The following ARHGAP4 variants were observed in gnomAD, a reference collection of about 807,000 sequenced individuals.
The protein encoded by ARHGAP4 is Rho GTPase activating protein 4, also known as rho GTPase-activating protein 4.
Under a neutral mutation model 67.6 loss-of-function variants are expected in ARHGAP4, and 25 were observed. The observed-to-expected ratio is 0.37, with a 90% CI of 0.27 to 0.52. ARHGAP4 has a LOEUF of 0.52. Among genes scored for constraint, ARHGAP4 ranks in the 20% least tolerant of loss-of-function variants. ARHGAP4 has a pLI of 0.92. For synonymous variants in ARHGAP4, 448 were observed against 373.7 expected (o/e 1.20, Z -2.29); for missense variants, 804 against 854.6 (o/e 0.94, Z 0.74).
rs186026622 is a variant in ARHGAP4, at chrX:153,912,155, G to A, written c.1542+545C>T. On this transcript the variant is annotated intron_variant, in intron 12 of 21. Transcript: ENST00000350060. The stretch of plus-strand genomic sequence containing the variant: ...TCTCTCTCTCTTTCTTTCTTTCACT[G>A]GGATTACAGGCACGTGCCACCATGC... Among the ~76,000 whole-genome samples, 11 of 105,384 alleles carry A rather than the reference G, an allele frequency of 1.0e-4. No individual in the cohort carries two copies. The East Asian group carries it at 3.2e-3, about 31-fold the overall frequency. The allele number at this position is 105,384 out of a possible 115,157, so 91.5% of individuals were successfully genotyped here. A position where few individuals can be genotyped will look rare whatever the true frequency, so the allele number is the denominator to read the frequency against.
intron 1 of ARHGAP4, among the ~76,000 whole-genome samples, chrX:153,925,653 C>T (rs1283627825): frequency 1.8e-5 from 2 of 112,368 alleles, no homozygotes; most frequent in Non-Finnish European, 3.8e-5. Flanking sequence ...CGCCTCTGCT[C>T]CCCCTCAGTG....
chrX:153,919,792 A>T lies in ARHGAP4; in HGVS notation c.682-509T>A, dbSNP rs782046278. 4,650 of 676,648 alleles carry T rather than the reference A, an allele frequency of 6.9e-3. 6 individuals are homozygous for T. The highest frequency in any genetic ancestry group is 0.044 in the East Asian group (877 of 20,059). 55.8% of individuals were successfully genotyped at this position (676,648 alleles called of 1,213,427 possible). A position where few individuals can be genotyped will look rare whatever the true frequency, so the allele number is the denominator to read the frequency against. On this transcript the variant is annotated intron_variant, in intron 5 of 21. Transcript: ENST00000350060. ...AAAACTGGCACTCTATTTTTTTTTT[A>T]TTTTTTTTTTTTGAGACAGAGTCTC...
chrX:153,916,171 T>C (rs782292135), intron 7 of ARHGAP4, among the ~76,000 whole-genome samples: 3 of 113,065 alleles, frequency 2.7e-5, no homozygotes, highest in Non-Finnish European at 5.6e-5. Flanking sequence ...TCCTGGCTAA[T>C]GTAAGTGACT....
chrX:153,910,472 G>GCCCCCCC, intron 16 of ARHGAP4, 34 bp downstream of exon 16: 2 of 1,164,851 alleles, frequency 1.7e-6, no homozygotes, highest in Admixed American at 2.3e-5. Context: ...TCGACCCCTG[G>GCCCCCCC]CCCCCACCCC....
rs1557105447 is a variant in ARHGAP4, at chrX:153,921,818, G to A, written c.68-9C>T. On this transcript the variant is annotated splice_polypyrimidine_tract_variant and intron_variant, in intron 1 of 21. Coordinates refer to ENST00000350060, the MANE Select transcript of ARHGAP4 (RefSeq NM_001666.5). Reference sequence around the variant, plus strand: ...CAGCTGCCAGCGCATCTCTGTGGGGGGAACCATGGCTCAGGCCTGGTCAGC... The same window carrying A: ...CAGCTGCCAGCGCATCTCTGTGGGGAGAACCATGGCTCAGGCCTGGTCAGC... 1 of 1,179,620 alleles carries A rather than the reference G, an allele frequency of 8.5e-7. No individual in the cohort carries two copies. Among genetic ancestry groups the A allele is most frequent in the Non-Finnish European group, 1.1e-6 (1 of 881,793 alleles).
chrX:153,909,411 T>C (rs782811401), intron 20 of ARHGAP4, 32 bp downstream of exon 20: 2 of 1,042,453 alleles, frequency 1.9e-6, no homozygotes, highest in Non-Finnish European at 2.5e-6. Context: ...ACAGCACACG[T>C]GTGGCCCCCT....
At position 153,907,738 on chromosome X, in the gene ARHGAP4, C is replaced by T; in HGVS notation, c.2832G>A (p.Lys944=). ...SHPQGLDTTP[K]PH is the part of the protein sequence containing the mutation. The stretch of plus-strand genomic sequence containing the variant: ...CTCCAGCAGCGGCACCTCAGTGTGG[C>T]TTGGGGGTCGTGTCTAGGCCCTGGG... The change falls in exon 22 of 22, where the codon AAG becomes AAA. Residue 944 remains lysine, a synonymous_variant. Coordinates refer to ENST00000350060, the MANE Select transcript of ARHGAP4 (RefSeq NM_001666.5). The T allele has an allele frequency of 1.0e-6, 1 of 998,864 alleles. No individual in the cohort carries two copies. Among genetic ancestry groups the T allele is most frequent in the Non-Finnish European group, 1.3e-6 (1 of 775,053 alleles). 82.3% of individuals were successfully genotyped at this position (998,864 alleles called of 1,213,427 possible). A position where few individuals can be genotyped will look rare whatever the true frequency, so the allele number is the denominator to read the frequency against.
intron 1 of ARHGAP4, among the ~76,000 whole-genome samples, chrX:153,922,737 A>C (rs1557105589): frequency 8.9e-6 from 1 of 112,269 alleles, no homozygotes; most frequent in African/African-American, 3.2e-5. Context: ...ATCCCCAGGG[A>C]GGGACATGAA....
Position 153,909,935 on chromosome X carries a change from G to A in ARHGAP4, c.2231-11C>T, listed in dbSNP as rs933572804. On this transcript the variant is annotated splice_polypyrimidine_tract_variant and intron_variant, in intron 18 of 21. Transcript: ENST00000350060. The stretch of plus-strand genomic sequence containing the variant: ...CGACCCCCTCCAGGTCTGGGGAGGA[G>A]AGGGGGTCCAAGCTGTGGGAGGGGG... 1.7e-6 allele frequency: 2 copies of A among 1,208,538 alleles called. No homozygotes were observed. The highest frequency in any genetic ancestry group is 2.2e-6 in the Non-Finnish European group (2 of 894,096).
chrX:153,921,532 G>A lies in ARHGAP4; in HGVS notation c.273-5C>T, dbSNP rs782559814. 1 of 1,197,217 alleles carries A rather than the reference G, an allele frequency of 8.4e-7. No homozygotes were observed. Among genetic ancestry groups the A allele is most frequent in the Non-Finnish European group, 1.1e-6 (1 of 887,460 alleles). On this transcript the variant is annotated splice_region_variant and splice_polypyrimidine_tract_variant and intron_variant, in intron 2 of 21. Transcript: ENST00000350060. ...GACAGGAGGGACGGCTCCTTCCTGG[G>A]GGTAGAGGGGCACTGAGACCTGGGA...
Position 153,919,237 on chromosome X carries a change from C to A in ARHGAP4, c.728G>T (p.Arg243Leu). The A allele has an allele frequency of 1.6e-6, 2 of 1,212,203 alleles. No individual in the cohort carries two copies. Among genetic ancestry groups the A allele is most frequent in the Non-Finnish European group, 2.2e-6 (2 of 895,602 alleles). ...MEHKLKCTKA[R>L]NEYLLSLASV... ...AGCCAGGCTAAGCAGGTACTCGTTGCGCGCCTTTGTGCACTTGAGTTTGTG... is the reference window on the plus strand; with the variant it reads ...AGCCAGGCTAAGCAGGTACTCGTTGAGCGCCTTTGTGCACTTGAGTTTGTG... The change falls in exon 6 of 22, where the codon CGC becomes CTC. Residue 243 changes from arginine (R) to leucine (L), a missense_variant. Physicochemically the swap from Arg to Leu is moderately radical, Grantham distance 102. Transcript: ENST00000350060.
At position 153,909,449 on chromosome X, in the gene ARHGAP4, A is replaced by G. The variant is rs1557102153; in HGVS notation, c.2501T>C (p.Val834Ala). 1 of 1,199,817 alleles carries G rather than the reference A, an allele frequency of 8.3e-7. No individual in the cohort carries two copies. Among genetic ancestry groups the G allele is most frequent in the Admixed American group, 2.2e-5 (1 of 44,780 alleles). ...GCCCCGTCTTCTTGCTCACCGGTGG[A>G]CCAGCTCCGATGCCAGGAGGCCCTC... Reference protein sequence around the residue: ...SPEGLLASELVHRPEPCTSPE... With the variant: ...SPEGLLASELAHRPEPCTSPE... Residue 834 changes from valine to alanine, a missense_variant, in exon 20 of 22, where the codon GTC (valine) becomes GCC (alanine). By Grantham distance (64) the Val-to-Ala change is moderately conservative. Around this residue, in one of 2 missense-constraint regions of ARHGAP4, gnomAD observed 400 missense variants for 348.7 expected, o/e 1.15. Transcript: ENST00000350060.
intron 5 of ARHGAP4, among the ~76,000 whole-genome samples, chrX:153,919,853 C>A: frequency 9.2e-6 from 1 of 109,089 alleles, no homozygotes; most frequent in Non-Finnish European, 1.9e-5. Flanking sequence ...GTGGTGCAAT[C>A]TTAGATCACT....
Position 153,913,821 on chromosome X carries a change from T to C in ARHGAP4, c.1091A>G (p.Asn364Ser). 1 of 1,212,175 alleles carries C rather than the reference T, an allele frequency of 8.2e-7. No homozygotes were observed. Among genetic ancestry groups the C allele is most frequent in the Non-Finnish European group, 1.1e-6 (1 of 895,597 alleles). ...CTGTCGGTCCAGGCGGCTCTGGATG[T>C]TCTGGGCTCTGGGCAGAATCTCGTC... ...LRDEILPRAQNIQSRLDRQTI... is the reference protein window; with the variant it reads ...LRDEILPRAQSIQSRLDRQTI... The change falls in exon 8 of 22, where the codon AAC (asparagine) becomes AGC (serine). Residue 364 changes from asparagine to serine, a missense_variant. By Grantham distance (46) the Asn-to-Ser change is conservative. This residue lies in a region of ARHGAP4 where 404 missense variants were observed against 505.9 expected (regional missense o/e 0.80). Coordinates refer to ENST00000350060, the MANE Select transcript of ARHGAP4 (RefSeq NM_001666.5).
intron 12 of ARHGAP4, 31 bp downstream of exon 12, chrX:153,912,669 G>A: frequency 8.8e-7 from 1 of 1,135,175 alleles, no homozygotes; most frequent in Non-Finnish European, 1.2e-6. Flanking sequence ...AGCATGTACA[G>A]GTGGGCTGGC....
At chrX:153,925,809 C>T (rs1311087497) in intron 1 of ARHGAP4, among the ~76,000 whole-genome samples, 2 of 113,211 alleles carry the variant, frequency 1.8e-5, no homozygotes, top group African/African-American at 3.2e-5. Context: ...AAAATACTGC[C>T]TTCTGAGGGG....
intron 21 of ARHGAP4, 54 bp from the exon 22 acceptor site, chrX:153,908,016 T>C: frequency 9.4e-7 from 1 of 1,058,506 alleles, no homozygotes; most frequent in Non-Finnish European, 1.2e-6. Flanking sequence ...CGACTGACCC[T>C]GCCCAAGACC....
intron 7 of ARHGAP4, chrX:153,914,238 G>T (rs1425318128): frequency 2.1e-5 from 5 of 240,873 alleles, no homozygotes; most frequent in Non-Finnish European, 3.7e-5. Context: ...TGGAGCAGTG[G>T]GGTGCCAGTG....
chrX:153,907,617 A>T lies in ARHGAP4; in HGVS notation c.*112T>A. Reference sequence around the variant, plus strand: ...CATCCCACCTCTCTGCACAGGGTGAAGTGCAGGCACCCTGCACTTGCTGGA... The same window carrying T: ...CATCCCACCTCTCTGCACAGGGTGATGTGCAGGCACCCTGCACTTGCTGGA... On this transcript the variant is annotated 3_prime_UTR_variant, in exon 22 of 22. Coordinates refer to ENST00000350060, the MANE Select transcript of ARHGAP4 (RefSeq NM_001666.5). The T allele has an allele frequency of 2.7e-6, 1 of 374,690 alleles. No homozygotes were observed. Among genetic ancestry groups the T allele is most frequent in the South Asian group, 8.9e-5 (1 of 11,242 alleles). 30.9% of individuals were successfully genotyped at this position (374,690 alleles called of 1,213,427 possible).
Sources: gnomAD v4.1 joint callset for allele counts (sites outside exome capture counted in the v4.1 genomes callset) on GRCh38, gnomAD v4.1.1 for gene constraint, gnomAD v4.1.1 regional missense constraint, MANE v1.5 for transcripts, NCBI Gene and HGNC (gene_info 2026-07-23, HGNC 2026-07-21) for gene names.